Variants in PPP1R8 observed in about 807,000 individuals in gnomAD.
PPP1R8 encodes the protein protein phosphatase 1 regulatory subunit 8.
Under a neutral mutation model 31.3 loss-of-function variants are expected in PPP1R8, and 4 were observed. The ratio of observed to expected loss-of-function variants is 0.13; its 90% CI spans 0.06 to 0.29. The LOEUF (loss-of-function observed/expected upper bound fraction) is 0.29. Among genes scored for constraint, PPP1R8 ranks in the 10% least tolerant of loss-of-function variants. The pLI is 1.00. For synonymous variants in PPP1R8, 170 were observed against 169.7 expected, an observed-to-expected ratio of 1.00 and a Z score of -0.01; for missense variants, 254 against 440.1, an observed-to-expected ratio of 0.58 and a Z score of 3.78.
chr1:27,846,712 G>C (rs1267169866), intron 5 of PPP1R8, among the ~76,000 whole-genome samples: 1 of 152,240 alleles, frequency 6.6e-6, no homozygotes, highest in Non-Finnish European at 1.5e-5. Context: ...CAGCACAGTG[G>C]TGCAGATCAC....
At position 27,850,537 on chromosome 1, in the gene PPP1R8, G is replaced by A; in HGVS notation, c.*91G>A. The A allele has an allele frequency of 8.6e-7, 1 of 1,160,792 alleles. No homozygotes were observed. Among genetic ancestry groups the A allele is most frequent in the Non-Finnish European group, 1.2e-6 (1 of 826,880 alleles). The allele number at this position is 1,160,792 out of a possible 1,614,324, so 71.9% of individuals were successfully genotyped here. ...TGAACTAGGGAGAAAAACTTTCCAT[G>A]TGTGCGGTATCGTCTTTCAGAATGT... On this transcript the variant is annotated 3_prime_UTR_variant, in exon 7 of 7. Transcript: ENST00000311772.
chr1:27,833,180 T>G (rs2089129025), intron 2 of PPP1R8, among the ~76,000 whole-genome samples: 1 of 152,226 alleles, frequency 6.6e-6, no homozygotes, highest in African/African-American at 2.4e-5. Context: ...ATATTGAGTT[T>G]AACTTCTAAG....
At chr1:27,831,586 CAG>C (rs2089108149) in intron 1 of PPP1R8, among the ~76,000 whole-genome samples, 2 of 152,114 alleles carry the variant, frequency 1.3e-5, no homozygotes, top group African/African-American at 2.4e-5. Flanking sequence ...TAGCTCATCG[CAG>C]TGTATTGTTT....
intron 5 of PPP1R8, among the ~76,000 whole-genome samples, chr1:27,846,538 G>T (rs180733425): frequency 6.6e-6 from 1 of 152,176 alleles, no homozygotes; most frequent in Non-Finnish European, 1.5e-5. Context: ...ACCAAAATCC[G>T]TTTTTTTGCT....
Position 27,841,002 on chromosome 1 carries a change from G to T in PPP1R8, c.272-12G>T. 6.2e-7 allele frequency: 1 copy of T among 1,613,434 alleles called. No homozygotes were observed. Among genetic ancestry groups the T allele is most frequent in the South Asian group, 1.1e-5 (1 of 91,010 alleles). ...GTTTTCCCCCTTACGTTTCTGATTT[G>T]GTTATTCCCAGCACACGGCACTTTC... On this transcript the variant is annotated splice_polypyrimidine_tract_variant and intron_variant, in intron 3 of 6. Transcript: ENST00000311772.
Position 27,851,348 on chromosome 1 carries a change from C to T in PPP1R8, c.*902C>T, listed in dbSNP as rs778591089. ...CTCTTTCCCCCCTCAATTGAGAGCTCTTGTTATTCAGAGCTCCAAGACTAG... is the reference window on the plus strand; with the variant it reads ...CTCTTTCCCCCCTCAATTGAGAGCTTTTGTTATTCAGAGCTCCAAGACTAG... On this transcript the variant is annotated 3_prime_UTR_variant, in exon 7 of 7. Transcript: ENST00000311772. 2.0e-4 allele frequency: 64 copies of T among 322,590 alleles called. No individual in the cohort carries two copies. Among genetic ancestry groups the T allele is most frequent in the Non-Finnish European group, 3.5e-4 (57 of 160,906 alleles). The allele number at this position is 322,590 out of a possible 1,614,324, so 20.0% of individuals were successfully genotyped here. A position where few individuals can be genotyped will look rare whatever the true frequency, so the allele number is the denominator to read the frequency against.
intron 5 of PPP1R8, among the ~76,000 whole-genome samples, chr1:27,846,362 T>C (rs2089280696): frequency 6.6e-6 from 1 of 152,250 alleles, no homozygotes; most frequent in Admixed American, 6.5e-5. Flanking sequence ...CTCTGTGTTG[T>C]AGCCTATCTG....
At position 27,851,155 on chromosome 1, in the gene PPP1R8, T is replaced by C. The variant is rs1465930148; in HGVS notation, c.*709T>C. Reference sequence around the variant, plus strand: ...GCACTCCTCCTGCTGAAGTTTCTTATTTAATTCCAGAGTACTGTCCTCTAC... The same window carrying C: ...GCACTCCTCCTGCTGAAGTTTCTTACTTAATTCCAGAGTACTGTCCTCTAC... On this transcript the variant is annotated 3_prime_UTR_variant, in exon 7 of 7. Coordinates refer to ENST00000311772, the MANE Select transcript of PPP1R8 (RefSeq NM_014110.5). 2 of 160,522 alleles carry C rather than the reference T, an allele frequency of 1.2e-5. No homozygotes were observed. Among genetic ancestry groups the C allele is most frequent in the Admixed American group, 5.9e-5 (1 of 16,874 alleles). 9.9% of individuals were successfully genotyped at this position (160,522 alleles called of 1,614,324 possible).
chr1:27,838,525 A>T (rs888160729), intron 2 of PPP1R8, among the ~76,000 whole-genome samples, 174 bp from the exon 3 acceptor site: 1 of 151,992 alleles, frequency 6.6e-6, no homozygotes, highest in African/African-American at 2.4e-5. Context: ...AATGGGAGAT[A>T]TTTTTTTCTC....
intron 5 of PPP1R8, 139 bp downstream of exon 5, chr1:27,843,469 C>G: frequency 9.7e-7 from 1 of 1,033,720 alleles, no homozygotes; most frequent in Non-Finnish European, 1.4e-6. Context: ...CTAGCCTGGC[C>G]AACAAGGTGA....
At chr1:27,836,500 T>C (rs1015627316) in intron 2 of PPP1R8, among the ~76,000 whole-genome samples, 2 of 152,166 alleles carry the variant, frequency 1.3e-5, no homozygotes, top group Non-Finnish European at 2.9e-5. Context: ...CTGCAAGCTC[T>C]GCCTCCCGGG....
intron 5 of PPP1R8, 136 bp downstream of exon 5, chr1:27,843,466 G>A: frequency 9.5e-7 from 1 of 1,058,032 alleles, no homozygotes; most frequent in Non-Finnish European, 1.4e-6. Flanking sequence ...AGACTAGCCT[G>A]GCCAACAAGG....
intron 5 of PPP1R8, 91 bp from the exon 6 acceptor site, chr1:27,846,937 G>T (rs779917297): frequency 9.3e-7 from 1 of 1,077,692 alleles, no homozygotes; most frequent in Admixed American, 1.7e-5. Context: ...TTTAATATGA[G>T]TTGTTGTGAT....
At chr1:27,840,756 G>T (rs576861035) in intron 3 of PPP1R8, among the ~76,000 whole-genome samples, 3 of 152,214 alleles carry the variant, frequency 2.0e-5, no homozygotes, top group Non-Finnish European at 4.4e-5. Flanking sequence ...TCAAGGCTCA[G>T]TGAGGGAGTT....
At chr1:27,836,202 G>C (rs534337778) in intron 2 of PPP1R8, among the ~76,000 whole-genome samples, 5 of 152,268 alleles carry the variant, frequency 3.3e-5, no homozygotes, top group Admixed American at 2.6e-4. Context: ...CATGTTTAAA[G>C]GAAAAACACA....
intron 5 of PPP1R8, among the ~76,000 whole-genome samples, chr1:27,844,924 G>A (rs1386676771): frequency 4.3e-5 from 5 of 116,220 alleles, no homozygotes; most frequent in Non-Finnish European, 6.8e-5. Context: ...TAGTAGAGAC[G>A]GGGTTTCACC....
intron 1 of PPP1R8, chr1:27,831,330 G>T (rs192983280): frequency 2.0e-6 from 2 of 992,396 alleles, no homozygotes; most frequent in African/African-American, 3.5e-5. Context: ...TGCATCCCTC[G>T]TGCGGCACTT....
intron 1 of PPP1R8, chr1:27,831,247 G>GT: frequency 9.7e-7 from 1 of 1,029,586 alleles, no homozygotes; most frequent in African/African-American, 1.7e-5. Flanking sequence ...GCCCCTTCCT[G>GT]TACGTCCCGA....
At chr1:27,834,516 T>G (rs1392467999) in intron 2 of PPP1R8, 1 of 519,040 alleles carries the variant, frequency 1.9e-6, no homozygotes, top group Non-Finnish European at 3.8e-6. Flanking sequence ...ATGAGTCTTT[T>G]AAGCCCAGTG....
Sources: gnomAD v4.1 joint callset for allele counts (sites outside exome capture counted in the v4.1 genomes callset) on GRCh38, gnomAD v4.1.1 for gene constraint, MANE v1.5 for transcripts, NCBI Gene and HGNC (gene_info 2026-07-23, HGNC 2026-07-21) for gene names.